Variants in SLF1 observed in about 807,000 individuals in gnomAD.
SLF1 encodes the protein SMC5/6 complex localization factor 1.
A neutral mutation model predicts 123.0 loss-of-function variants in SLF1; 105 were observed. That is an observed-to-expected ratio of 0.85 (90% CI 0.73 to 1.00). SLF1 has a LOEUF of 1.00. SLF1 is among the 50% of genes least tolerant of loss of function. SLF1 has a pLI of 0.00. For missense variants in SLF1, 1,239 were observed against 1,223.0 expected (o/e 1.01, Z -0.20); for synonymous variants, 434 against 406.6 (o/e 1.07, Z -0.81).
At chr5:94,676,643 C>T (rs765682089) in intron 14 of SLF1, among the ~76,000 whole-genome samples, 2 of 152,194 alleles carry the variant, frequency 1.3e-5, no homozygotes, top group East Asian at 3.8e-4. Flanking sequence ...GGTCTCTCTC[C>T]TAGATTCTAA....
intron 1 of SLF1, among the ~76,000 whole-genome samples, chr5:94,620,881 C>G (rs903419174): frequency 6.6e-6 from 1 of 152,098 alleles, no homozygotes; most frequent in East Asian, 1.9e-4. Context: ...TTAAAATACA[C>G]TGTCTGGTTA....
Position 94,653,416 on chromosome 5 carries a change from G to A in SLF1, c.1027G>A (p.Asp343Asn). Residue 343 changes from aspartate to asparagine, a missense_variant, in exon 8 of 21, where the codon GAT (aspartate) becomes AAT (asparagine). Transcript: ENST00000265140. ...STLRRHIYNRDQKEMKNSIFA... is the reference protein window; with the variant it reads ...STLRRHIYNRNQKEMKNSIFA... ...CTTAAGAAGGCACATATATAATAGA[G>A]ATCAGGTAAAGTTTGTAAGCTAAGC... 4 of 1,493,626 alleles carry A rather than the reference G, an allele frequency of 2.7e-6. No individual in the cohort carries two copies. Among genetic ancestry groups the A allele is most frequent in the Non-Finnish European group, 3.5e-6 (4 of 1,129,154 alleles). The allele number at this position is 1,493,626 out of a possible 1,614,324, so 92.5% of individuals were successfully genotyped here. A position where few individuals can be genotyped will look rare whatever the true frequency, so the allele number is the denominator to read the frequency against.
chr5:94,666,236 G>T (rs775213713), intron 12 of SLF1, among the ~76,000 whole-genome samples: 2 of 152,132 alleles, frequency 1.3e-5, no homozygotes, highest in African/African-American at 4.8e-5. Flanking sequence ...AATAAAAAAT[G>T]AATGCATGAA....
At chr5:94,691,920 A>T (rs1464565708) in intron 19 of SLF1, among the ~76,000 whole-genome samples, 154 bp from the exon 20 acceptor site, 1 of 152,132 alleles carries the variant, frequency 6.6e-6, no homozygotes, top group Non-Finnish European at 1.5e-5. Context: ...TTAAGGTAGA[A>T]ATATGATTAC....
chr5:94,693,464 A>T (rs982668373), intron 20 of SLF1, among the ~76,000 whole-genome samples: 1 of 151,870 alleles, frequency 6.6e-6, no homozygotes, highest in African/African-American at 2.4e-5. Flanking sequence ...ACCAATGTGA[A>T]TTTTTCTAGG....
At chr5:94,619,303 TG>T (rs1413343056) in intron 1 of SLF1, among the ~76,000 whole-genome samples, 1 of 151,986 alleles carries the variant, frequency 6.6e-6, no homozygotes, top group Non-Finnish European at 1.5e-5. Flanking sequence ...TTTTTTAAAC[TG>T]CTAAAACGGC....
At chr5:94,670,466 A>G (rs1382252758) in intron 13 of SLF1, among the ~76,000 whole-genome samples, 187 bp downstream of exon 13, 1 of 151,822 alleles carries the variant, frequency 6.6e-6, no homozygotes, top group East Asian at 1.9e-4. Context: ...GCCCTTTTAA[A>G]AAATTTCCTC....
Position 94,678,773 on chromosome 5 carries a change from T to A in SLF1, c.1828-35T>A, listed in dbSNP as rs747961624. The A allele has an allele frequency of 2.0e-6, 3 of 1,534,460 alleles. No individual in the cohort carries two copies. In the East Asian group the frequency reaches 7.3e-5, roughly 37 times the overall value. Reference sequence around the variant, plus strand: ...TACTAACAGAAATTCAATATTGTAATATATTTTAGTAATTTTTTTGTATCT... The same window carrying A: ...TACTAACAGAAATTCAATATTGTAAAATATTTTAGTAATTTTTTTGTATCT... On this transcript the variant is annotated intron_variant, in intron 14 of 20. Transcript: ENST00000265140.
chr5:94,626,002 C>G (rs1374456453), intron 1 of SLF1, among the ~76,000 whole-genome samples: 1 of 151,906 alleles, frequency 6.6e-6, no homozygotes, highest in Non-Finnish European at 1.5e-5. Flanking sequence ...CGCTTGTAAT[C>G]CCAGCACTTG....
intron 4 of SLF1, among the ~76,000 whole-genome samples, chr5:94,638,430 G>A (rs1319986717): frequency 2.6e-5 from 4 of 151,866 alleles, no homozygotes; most frequent in Non-Finnish European, 5.9e-5. Flanking sequence ...TGCCCGCCTC[G>A]GCCTCCCAAA....
At position 94,690,901 on chromosome 5, in the gene SLF1, A is replaced by AT. The variant is rs34685126; in HGVS notation, c.2420-649dup. On this transcript the variant is annotated intron_variant, in intron 18 of 20. Coordinates refer to ENST00000265140, the MANE Select transcript of SLF1 (RefSeq NM_032290.4). ...TGTTCAGCTTTAAATGGTACTAGGG[A>AT]TTTTTTTTTTTTTTACATCCGTGTG... is the stretch of plus-strand genomic sequence containing the variant. 8.3e-3 allele frequency among the ~76,000 whole-genome samples: 1,159 copies of AT among 138,894 alleles called. 8 individuals carry two copies. The highest frequency in any genetic ancestry group is 0.024 in the African/African-American group (917 of 38,062). The allele number at this position is 138,894 out of a possible 152,430, so 91.1% of individuals were successfully genotyped here.
chr5:94,664,063 T>C (rs1213119605), intron 11 of SLF1, among the ~76,000 whole-genome samples, 155 bp downstream of exon 11: 2 of 152,220 alleles, frequency 1.3e-5, no homozygotes, highest in African/African-American at 2.4e-5. Context: ...ACTACTGTTC[T>C]GTTTTCCAGC....
chr5:94,630,053 A>G lies in SLF1; in HGVS notation c.191-450A>G, dbSNP rs752842259. Reference sequence around the variant, plus strand: ...CTCAGTAAATTTGTTTTACAGAGTAATAATGCCGTGAACAATATTGGAAAA... The same window carrying G: ...CTCAGTAAATTTGTTTTACAGAGTAGTAATGCCGTGAACAATATTGGAAAA... On this transcript the variant is annotated intron_variant, in intron 3 of 20. Coordinates refer to ENST00000265140, the MANE Select transcript of SLF1 (RefSeq NM_032290.4). Among the ~76,000 whole-genome samples, 59 of 152,358 alleles carry G rather than the reference A, an allele frequency of 3.9e-4. No individual in the cohort carries two copies. In the Middle Eastern group the frequency reaches 0.01, roughly 26 times the overall value.
At chr5:94,634,477 G>T (rs926005843) in intron 4 of SLF1, among the ~76,000 whole-genome samples, 2 of 152,120 alleles carry the variant, frequency 1.3e-5, no homozygotes, top group African/African-American at 4.8e-5. Flanking sequence ...ATGTCCTCCA[G>T]TTCATCCATG....
At chr5:94,643,889 A>T (rs1746718519) in intron 5 of SLF1, among the ~76,000 whole-genome samples, 1 of 152,126 alleles carries the variant, frequency 6.6e-6, no homozygotes, top group Non-Finnish European at 1.5e-5. Context: ...ATAAGCAAAG[A>T]AGAATTTTAA....
intron 1 of SLF1, among the ~76,000 whole-genome samples, chr5:94,622,265 AT>A (rs1272321066): frequency 1.3e-5 from 2 of 152,242 alleles, no homozygotes; most frequent in Non-Finnish European, 2.9e-5. Context: ...CAGAGCAGAA[AT>A]CTTGACTGCA....
At chr5:94,621,025 A>G (rs1298414400) in intron 1 of SLF1, among the ~76,000 whole-genome samples, 1 of 152,194 alleles carries the variant, frequency 6.6e-6, no homozygotes, top group African/African-American at 2.4e-5. Context: ...GTTTCTAGAA[A>G]TGCTTTGAAA....
At chr5:94,642,690 T>G (rs888408147) in intron 4 of SLF1, among the ~76,000 whole-genome samples, 2 of 152,220 alleles carry the variant, frequency 1.3e-5, no homozygotes, top group Non-Finnish European at 2.9e-5. Context: ...CATGAAACTT[T>G]TGTGTTGTAT....
intron 9 of SLF1, among the ~76,000 whole-genome samples, chr5:94,656,674 C>A (rs1458599937): frequency 6.6e-6 from 1 of 151,446 alleles, no homozygotes; most frequent in Non-Finnish European, 1.5e-5. Context: ...TTGGTCTGTT[C>A]AGGTTTTCTG....
Sources: allele counts gnomAD v4.1 joint callset (sites outside exome capture counted in the v4.1 genomes callset), GRCh38; gene constraint gnomAD v4.1.1; transcripts MANE v1.5; gene names NCBI Gene and HGNC (gene_info 2026-07-23, HGNC 2026-07-21).